Variants in COMMD7 observed in about 807,000 individuals in gnomAD.
The protein encoded by COMMD7 is COMM domain-containing protein 7.
COMMD7 carries 28 observed loss-of-function variants against 34.8 expected under a neutral mutation model. The ratio of observed to expected loss-of-function variants is 0.80; its 90% CI spans 0.60 to 1.10. COMMD7 has a LOEUF of 1.10. Among genes scored for constraint, COMMD7 ranks in the 50% least tolerant of loss-of-function variants. The probability of loss-of-function intolerance (pLI) is 0.00; values close to 1 mark genes in which losing one functional copy is unlikely to be tolerated. For missense variants in COMMD7, 211 were observed against 241.6 expected, an observed-to-expected ratio of 0.87 and a Z score of 0.84; for synonymous variants, 80 against 86.4, an observed-to-expected ratio of 0.93 and a Z score of 0.41.
intron 7 of COMMD7, 90 bp downstream of exon 7, chr20:32,704,350 T>A: frequency 8.1e-7 from 1 of 1,236,582 alleles, no homozygotes. Flanking sequence ...CAGTAAAACA[T>A]CCATTTAAAT....
At chr20:32,713,870 CT>C (rs369042921) in intron 3 of COMMD7, among the ~76,000 whole-genome samples, 11 of 152,262 alleles carry the variant, frequency 7.2e-5, no homozygotes, top group African/African-American at 2.6e-4. Context: ...AATCTTAGCA[CT>C]TTGGGAGGCC....
rs1290599972 is a variant in COMMD7 at position 32,706,592 on chromosome 20, AAAGT to A, written c.323_326del (p.Tyr108PhefsTer17). Reference sequence around the variant, plus strand: ...TTAAGAGGAATTATACCTTTTCAGAAAAGTAAGTGGCTTTCTCCTCACTAAGACC... The same window carrying A: ...TTAAGAGGAATTATACCTTTTCAGAAAAGTGGCTTTCTCCTCACTAAGACC... On this transcript the variant is annotated frameshift_variant, in exon 5 of 9. Transcript: ENST00000278980. LOFTEE classifies it high-confidence loss of function. The A allele has an allele frequency of 6.2e-7, 1 of 1,608,282 alleles. No homozygotes were observed. Among genetic ancestry groups the A allele is most frequent in the Non-Finnish European group, 8.5e-7 (1 of 1,174,814 alleles).
At chr20:32,716,755 C>T (rs1414584749) in intron 3 of COMMD7, among the ~76,000 whole-genome samples, 1 of 152,172 alleles carries the variant, frequency 6.6e-6, no homozygotes, top group African/African-American at 2.4e-5. Flanking sequence ...AAAGCAAGAC[C>T]CCCACATCTC....
chr20:32,732,537 C>T (rs756616852), intron 1 of COMMD7, among the ~76,000 whole-genome samples: 5 of 151,866 alleles, frequency 3.3e-5, no homozygotes, highest in African/African-American at 1.2e-4. Context: ...GAGGCTGAGG[C>T]AGGAGGACCG....
intron 1 of COMMD7, among the ~76,000 whole-genome samples, chr20:32,736,372 G>A (rs1986128871): frequency 1.3e-5 from 2 of 152,166 alleles, no homozygotes; most frequent in Non-Finnish European, 2.9e-5. Flanking sequence ...TAAGGTTTCT[G>A]TATTAACAAT....
intron 1 of COMMD7, among the ~76,000 whole-genome samples, chr20:32,731,774 G>C (rs1430344880): frequency 6.6e-6 from 1 of 152,164 alleles, no homozygotes; most frequent in Non-Finnish European, 1.5e-5. Flanking sequence ...GCAATGCTTT[G>C]CCTTTGCAAT....
chr20:32,703,684 C>T, intron 8 of COMMD7: 1 of 1,436,010 alleles, frequency 7.0e-7, no homozygotes, highest in Non-Finnish European at 9.1e-7. Context: ...GGCACAGCTC[C>T]ATGGCACAAA....
intron 5 of COMMD7, among the ~76,000 whole-genome samples, chr20:32,705,222 T>G (rs1983991990): frequency 6.6e-6 from 1 of 151,808 alleles, no homozygotes; most frequent in South Asian, 2.1e-4. Context: ...GTCTTCAGGG[T>G]AAGTTCTCAA....
At chr20:32,705,936 C>G (rs571549238) in intron 5 of COMMD7, among the ~76,000 whole-genome samples, 1 of 152,204 alleles carries the variant, frequency 6.6e-6, no homozygotes, top group East Asian at 1.9e-4. Flanking sequence ...TGGTGGTTCA[C>G]GACTGTAATC....
At chr20:32,713,899 A>G (rs973021577) in intron 3 of COMMD7, among the ~76,000 whole-genome samples, 4 of 152,114 alleles carry the variant, frequency 2.6e-5, no homozygotes, top group African/African-American at 9.7e-5. Context: ...GTGGATCTCA[A>G]GGTCAGGAGT....
At chr20:32,703,988 A>G (rs779613050) in intron 8 of COMMD7, 35 bp downstream of exon 8, 1 of 1,613,878 alleles carries the variant, frequency 6.2e-7, no homozygotes, top group East Asian at 2.2e-5. Context: ...GAACACAAAA[A>G]AGGTGAAGAG....
chr20:32,722,597 G>A (rs895832127), intron 3 of COMMD7, among the ~76,000 whole-genome samples: 4 of 151,368 alleles, frequency 2.6e-5, no homozygotes, highest in African/African-American at 4.9e-5. Flanking sequence ...GGTGGTGGGC[G>A]CCTGCAATCC....
At chr20:32,732,558 G>A (rs1289757533) in intron 1 of COMMD7, among the ~76,000 whole-genome samples, 2 of 151,928 alleles carry the variant, frequency 1.3e-5, no homozygotes, top group Non-Finnish European at 2.9e-5. Flanking sequence ...CTTGATCCCA[G>A]GAGACAAGCA....
chr20:32,705,356 G>GTATATATATA (rs1984007761), intron 5 of COMMD7, among the ~76,000 whole-genome samples: 1 of 106,216 alleles, frequency 9.4e-6, no homozygotes, highest in African/African-American at 3.8e-5. Context: ...ATATGTGTGT[G>GTATATATATA]TGTATATATA....
At chr20:32,715,173 A>G (rs1984706164) in intron 3 of COMMD7, among the ~76,000 whole-genome samples, 1 of 149,018 alleles carries the variant, frequency 6.7e-6, no homozygotes. Flanking sequence ...GTCTCAAAAA[A>G]TAATAATAAT....
chr20:32,726,691 G>A (rs1985531231), intron 3 of COMMD7, among the ~76,000 whole-genome samples: 1 of 152,054 alleles, frequency 6.6e-6, no homozygotes, highest in Admixed American at 6.6e-5. Flanking sequence ...CAAAAAGATT[G>A]AAACTCTGTC....
At chr20:32,716,061 T>C (rs1393009337) in intron 3 of COMMD7, among the ~76,000 whole-genome samples, 1 of 152,098 alleles carries the variant, frequency 6.6e-6, no homozygotes, top group Non-Finnish European at 1.5e-5. Context: ...TCAGAGCTGT[T>C]AAATCCCTGG....
intron 1 of COMMD7, 115 bp downstream of exon 1, chr20:32,743,193 G>T: frequency 1.2e-6 from 1 of 862,484 alleles, no homozygotes; most frequent in Non-Finnish European, 1.7e-6. Context: ...CCCACAAGAC[G>T]CCGCTCTGTC....
At position 32,703,059 on chromosome 20, in the gene COMMD7, A is replaced by C; in HGVS notation, c.*323T>G. 4.2e-6 allele frequency: 1 copy of C among 235,714 alleles called. No individual in the cohort carries two copies. Among genetic ancestry groups the C allele is most frequent in the Non-Finnish European group, 8.2e-6 (1 of 121,806 alleles). The allele number at this position is 235,714 out of a possible 1,614,324, so 14.6% of individuals were successfully genotyped here. On this transcript the variant is annotated 3_prime_UTR_variant, in exon 9 of 9. Coordinates refer to ENST00000278980, the MANE Select transcript of COMMD7 (RefSeq NM_053041.3). ...TCTTGAATGATGGCACCATTTGTTTACTCTGGAACTTTGAAGGGGAGGTGA... is the reference window on the plus strand; with the variant it reads ...TCTTGAATGATGGCACCATTTGTTTCCTCTGGAACTTTGAAGGGGAGGTGA...
Sources: allele counts gnomAD v4.1 joint callset (sites outside exome capture counted in the v4.1 genomes callset), GRCh38; gene constraint gnomAD v4.1.1; transcripts MANE v1.5; gene names NCBI Gene and HGNC (gene_info 2026-07-23, HGNC 2026-07-21).